The following CSMD1 variants were observed in gnomAD, a reference collection of about 807,000 sequenced individuals.
The protein encoded by CSMD1 is CUB and Sushi multiple domains 1.
A neutral mutation model predicts 417.5 loss-of-function variants in CSMD1; 213 were observed. The observed-to-expected ratio is 0.51, with a 90% CI of 0.46 to 0.57. CSMD1 has a LOEUF of 0.57. Among genes scored for constraint, CSMD1 ranks in the 20% least tolerant of loss-of-function variants. CSMD1 has a pLI of 0.00. For missense variants in CSMD1, 6,923 were observed against 4,529.7 expected (o/e 1.53, Z -15.17); for synonymous variants, 2,862 against 1,736.8 (o/e 1.65, Z -16.11).
At chr8:3,386,505 A>G (rs149238500) in intron 18 of CSMD1, among the ~76,000 whole-genome samples, 6 of 152,312 alleles carry the variant, frequency 3.9e-5, no homozygotes, top group African/African-American at 1.4e-4. Context: ...TTTGGTGACA[A>G]AGGTCAAAGA....
At chr8:4,944,699 C>T (rs970224714) in intron 1 of CSMD1, among the ~76,000 whole-genome samples, 3 of 152,120 alleles carry the variant, frequency 2.0e-5, no homozygotes, top group African/African-American at 7.2e-5. Context: ...ACCTCACACC[C>T]ACGCAGATGA....
At chr8:3,779,713 TTA>T (rs767433062) in intron 5 of CSMD1, among the ~76,000 whole-genome samples, 3 of 146,958 alleles carry the variant, frequency 2.0e-5, no homozygotes, top group Non-Finnish European at 4.7e-5. Context: ...AGCGCATATT[TTA>T]TATCTGCAGA....
At chr8:3,835,714 A>G (rs1166192864) in intron 5 of CSMD1, among the ~76,000 whole-genome samples, 4 of 75,426 alleles carry the variant, frequency 5.3e-5, no homozygotes, top group African/African-American at 1.9e-4. Context: ...AGTATAATAA[A>G]ATTAACAAAA....
chr8:4,338,345 C>G (rs1466905759), intron 3 of CSMD1, among the ~76,000 whole-genome samples: 1 of 152,022 alleles, frequency 6.6e-6, no homozygotes, highest in South Asian at 2.1e-4. Context: ...TTCCAGGGCT[C>G]TCTTAAGGAA....
intron 2 of CSMD1, among the ~76,000 whole-genome samples, chr8:4,615,441 A>G (rs1444285496): frequency 6.6e-6 from 1 of 152,176 alleles, no homozygotes; most frequent in African/African-American, 2.4e-5. Flanking sequence ...GTTATTTAGA[A>G]ATGCAGACCA....
chr8:3,693,070 A>G (rs191250842), intron 7 of CSMD1, among the ~76,000 whole-genome samples: 1 of 152,294 alleles, frequency 6.6e-6, no homozygotes, highest in Admixed American at 6.5e-5. Flanking sequence ...ATAATCAGGA[A>G]TACATTTATT....
intron 5 of CSMD1, among the ~76,000 whole-genome samples, chr8:3,970,847 G>C (rs1000606903): frequency 1.3e-5 from 2 of 152,068 alleles, no homozygotes; most frequent in African/African-American, 4.8e-5. Context: ...CGCCTCCCGG[G>C]TTCACGCCAT....
chr8:3,838,461 G>C (rs1002718387), intron 5 of CSMD1, among the ~76,000 whole-genome samples: 1 of 144,004 alleles, frequency 6.9e-6, no homozygotes, highest in Non-Finnish European at 1.5e-5. Context: ...ACATATATAG[G>C]CTATATTATA....
rs34867801 is a variant in CSMD1, at chr8:4,974,183, A to ATT, written c.85+20147_85+20148dup. Among the ~76,000 whole-genome samples the ATT allele has an allele frequency of 2.5e-3, 360 of 145,610 alleles. 2 individuals carry two copies. Among genetic ancestry groups the ATT allele is most frequent in the South Asian group, 4.2e-3 (19 of 4,534 alleles). ...AGGCACATGCCACCACACCCAGCTA[A>ATT]TTTTTTTTTTTTTTGTATTTTTAAT... On this transcript the variant is annotated intron_variant, in intron 1 of 69. Transcript: ENST00000635120.
rs1454960081 is a variant in CSMD1, at chr8:2,998,100, G to A, written c.8288C>T (p.Thr2763Ile). The A allele has an allele frequency of 1.9e-6, 3 of 1,614,020 alleles. No individual in the cohort carries two copies. Among genetic ancestry groups the A allele is most frequent in the South Asian group, 2.2e-5 (2 of 91,082 alleles). Residue 2763 changes from threonine (T) to isoleucine (I), a missense_variant, in exon 54 of 70, where the codon ACC becomes ATC. Physicochemically the swap from Thr to Ile is moderately conservative, Grantham distance 89. Transcript: ENST00000635120. ...EFNLNDVVNF[T>I]CNTGYLLQGV... Reference sequence around the variant, plus strand: ...CTGCAGCAAATAGCCCGTGTTGCAGGTGAAATTCACGACATCATTCAGGTT... The same window carrying A: ...CTGCAGCAAATAGCCCGTGTTGCAGATGAAATTCACGACATCATTCAGGTT...
At chr8:4,570,701 T>A (rs968748173) in intron 2 of CSMD1, among the ~76,000 whole-genome samples, 1 of 152,320 alleles carries the variant, frequency 6.6e-6, no homozygotes, top group Middle Eastern at 3.4e-3. Context: ...CTGTTTGGAA[T>A]AGTTTCAGAA....
At chr8:4,493,206 T>C (rs1054740671) in intron 2 of CSMD1, among the ~76,000 whole-genome samples, 5 of 152,170 alleles carry the variant, frequency 3.3e-5, no homozygotes, top group East Asian at 1.9e-4. Flanking sequence ...TATACCTACA[T>C]TGGAAGCACA....
At chr8:3,513,369 T>G (rs1000974404) in intron 10 of CSMD1, among the ~76,000 whole-genome samples, 1 of 151,314 alleles carries the variant, frequency 6.6e-6, no homozygotes, top group African/African-American at 2.4e-5. Context: ...GGAGTCTTAC[T>G]TTGTTACCCA....
chr8:4,071,358 G>C (rs1246264788), intron 3 of CSMD1, among the ~76,000 whole-genome samples: 2 of 151,760 alleles, frequency 1.3e-5, no homozygotes, highest in Admixed American at 6.6e-5. Flanking sequence ...TAACTCTTAT[G>C]TCATTTTGTA....
Position 4,095,209 on chromosome 8 carries a change from C to G in CSMD1, c.416-63110G>C, listed in dbSNP as rs548076353. Among the ~76,000 whole-genome samples the G allele has an allele frequency of 3.9e-4, 59 of 152,290 alleles. No individual in the cohort carries two copies. In the South Asian group the frequency reaches 0.01, roughly 26 times the overall value. On this transcript the variant is annotated intron_variant, in intron 3 of 69. Coordinates refer to ENST00000635120, the MANE Select transcript of CSMD1 (RefSeq NM_033225.6). ...CGAACACAAACTGGTTTGGTTACAA[C>G]GTACTGCCTCTCCTTAACTCAGGCT...
intron 26 of CSMD1, among the ~76,000 whole-genome samples, chr8:3,252,229 A>G (rs1800327194): frequency 6.6e-6 from 1 of 152,192 alleles, no homozygotes; most frequent in Admixed American, 6.5e-5. Flanking sequence ...ATTTTGAAAT[A>G]CGTCCCATCA....
At position 3,238,218 on chromosome 8, in the gene CSMD1, G is replaced by T. The variant is rs190764283; in HGVS notation, c.4154-7987C>A. Reference sequence around the variant, plus strand: ...GTGTCACAAGGTGCTCAGCAGGGGAGCTTTTGAGCCAGGATGAGCCAGGAG... The same window carrying T: ...GTGTCACAAGGTGCTCAGCAGGGGATCTTTTGAGCCAGGATGAGCCAGGAG... On this transcript the variant is annotated intron_variant, in intron 26 of 69. Transcript: ENST00000635120. Among the ~76,000 whole-genome samples the T allele has an allele frequency of 3.8e-3, 580 of 152,118 alleles. 2 individuals are homozygous for T. The highest frequency in any genetic ancestry group is 7.2e-3 in the Non-Finnish European group (492 of 67,986).
At chr8:3,167,378 C>A (rs961666493) in intron 37 of CSMD1, among the ~76,000 whole-genome samples, 5 of 151,730 alleles carry the variant, frequency 3.3e-5, no homozygotes, top group East Asian at 1.9e-4. Flanking sequence ...TTTGTGCCAA[C>A]CTAATACATG....
intron 1 of CSMD1, among the ~76,000 whole-genome samples, chr8:4,738,657 C>A (rs1270588282): frequency 1.3e-5 from 2 of 152,010 alleles, no homozygotes; most frequent in African/African-American, 4.8e-5. Context: ...TCGTTTCTGT[C>A]ATTTTTTGAC....
Sources: allele counts gnomAD v4.1 joint callset (sites outside exome capture counted in the v4.1 genomes callset), GRCh38; gene constraint gnomAD v4.1.1; transcripts MANE v1.5; gene names NCBI Gene and HGNC (gene_info 2026-07-23, HGNC 2026-07-21).